Variants in CACNA1B observed in about 807,000 individuals in gnomAD.
CACNA1B encodes voltage-dependent N-type calcium channel subunit alpha-1B.
In CACNA1B, 70 loss-of-function variants were observed where a neutral mutation model predicts 247.2. That is an observed-to-expected ratio of 0.28 (90% CI 0.23 to 0.35). The LOEUF is 0.35. Among genes scored for constraint, CACNA1B ranks in the 10% least tolerant of loss-of-function variants. The pLI, the probability that CACNA1B is intolerant of heterozygous loss-of-function variation, is 1.00. For synonymous variants in CACNA1B, 1,231 were observed against 1,294.4 expected (o/e 0.95, Z 1.05); for missense variants, 2,367 against 3,197.4 (o/e 0.74, Z 6.26).
At chr9:137,960,999 A>G (rs1286167404) in intron 10 of CACNA1B, among the ~76,000 whole-genome samples, 1 of 152,102 alleles carries the variant, frequency 6.6e-6, no homozygotes, top group East Asian at 1.9e-4. Context: ...GGCCACACGT[A>G]TGTCTTCTTT....
Position 138,052,122 on chromosome 9 carries a change from C to T in CACNA1B, c.3741C>T (p.Ile1247=), listed in dbSNP as rs772092706. The T allele has an allele frequency of 3.7e-6, 6 of 1,611,364 alleles. No homozygotes were observed. The Admixed American group carries it at 8.3e-5, about 22-fold the overall frequency. The change falls in exon 25 of 47, where the codon ATC becomes ATT. Residue 1247 remains isoleucine, a synonymous_variant. Coordinates refer to ENST00000371372, the MANE Select transcript of CACNA1B (RefSeq NM_000718.4). The surrounding 1 kb of genome is among the most constrained non-coding windows in gnomAD (Gnocchi z 5.1). The part of the protein sequence containing the change: ...SGSKGKDINT[I]KSLRVLRVLR... The stretch of plus-strand genomic sequence containing the variant: ...CCAAAGGGAAAGACATCAATACCAT[C>T]AAGTCTCTGAGAGTCCTTCGTGTCC...
At chr9:138,013,834 T>C (rs1207223429) in intron 18 of CACNA1B, among the ~76,000 whole-genome samples, 1 of 152,190 alleles carries the variant, frequency 6.6e-6, no homozygotes, top group Admixed American at 6.5e-5. Context: ...GGGAGGTCAG[T>C]CCCTGGGAAG....
intron 12 of CACNA1B, among the ~76,000 whole-genome samples, chr9:137,981,747 G>T (rs1204023782): frequency 2.6e-5 from 4 of 152,156 alleles, no homozygotes; most frequent in Non-Finnish European, 5.9e-5. Context: ...CCAAAGTGTT[G>T]GGATTACAGG....
At chr9:138,034,591 T>C (rs1357884080) in intron 20 of CACNA1B, among the ~76,000 whole-genome samples, 1 of 152,114 alleles carries the variant, frequency 6.6e-6, no homozygotes, top group Non-Finnish European at 1.5e-5. Context: ...TTAAAAAATC[T>C]GTGCCTATTG....
Position 138,123,258 on chromosome 9 carries a change from A to AG in CACNA1B, c.*1262dup, listed in dbSNP as rs1317712661. 3 of 152,256 alleles carry AG rather than the reference A, an allele frequency of 2.0e-5. No individual in the cohort carries two copies. Among genetic ancestry groups the AG allele is most frequent in the Admixed American group, 6.5e-5 (1 of 15,286 alleles). The allele number at this position is 152,256 out of a possible 1,614,324, so 9.4% of individuals were successfully genotyped here. A position where few individuals can be genotyped will look rare whatever the true frequency, so the allele number is the denominator to read the frequency against. On this transcript the variant is annotated 3_prime_UTR_variant, in exon 47 of 47. Coordinates refer to ENST00000371372, the MANE Select transcript of CACNA1B (RefSeq NM_000718.4). ...GAATGAAACTCAGAGCAAGTGACCG[A>AG]GGGAGGACACGGCTCCTGCCACTGA...
intron 5 of CACNA1B, among the ~76,000 whole-genome samples, chr9:137,916,991 T>A (rs1172140616): frequency 6.6e-6 from 1 of 151,930 alleles, no homozygotes; most frequent in Non-Finnish European, 1.5e-5. Context: ...CAAGTGATGG[T>A]GGGCAGGTTC....
chr9:138,058,935 G>A lies in CACNA1B; in HGVS notation c.4474-144G>A. 1 of 708,134 alleles carries A rather than the reference G, an allele frequency of 1.4e-6. No individual in the cohort carries two copies. Among genetic ancestry groups the A allele is most frequent in the Non-Finnish European group, 2.5e-6 (1 of 406,248 alleles). The allele number at this position is 708,134 out of a possible 1,614,324, so 43.9% of individuals were successfully genotyped here. A position where few individuals can be genotyped will look rare whatever the true frequency, so the allele number is the denominator to read the frequency against. Reference sequence around the variant, plus strand: ...CTGGGACAGTGGGGAGGTTCTGGGAGGACTCGGGGAGAGCAGGAAGGGGTG... The same window carrying A: ...CTGGGACAGTGGGGAGGTTCTGGGAAGACTCGGGGAGAGCAGGAAGGGGTG... On this transcript the variant is annotated intron_variant, in intron 29 of 46. Coordinates refer to ENST00000371372, the MANE Select transcript of CACNA1B (RefSeq NM_000718.4). This position sits in a 1 kb window ranked among gnomAD's most constrained non-coding sequence, Gnocchi z 4.7.
At chr9:138,036,390 C>T (rs1248431850) in intron 20 of CACNA1B, among the ~76,000 whole-genome samples, 6 of 152,216 alleles carry the variant, frequency 3.9e-5, no homozygotes, top group Admixed American at 2.6e-4. Flanking sequence ...CTGCCTGCCT[C>T]GGCCTCCCAA....
chr9:138,011,826 A>C lies in CACNA1B; in HGVS notation c.2161-1303A>C, dbSNP rs1357708103. The stretch of plus-strand genomic sequence containing the variant: ...TCTGCCAGCGTTGCGCCCCGAATGC[A>C]GATTCAAGGACATTTTAGGGAACAC... On this transcript the variant is annotated intron_variant, in intron 17 of 46. Transcript: ENST00000371372. This position sits in a 1 kb window ranked among gnomAD's most constrained non-coding sequence, Gnocchi z 4.2. Among the ~76,000 whole-genome samples the C allele has an allele frequency of 2.6e-5, 4 of 152,194 alleles. No individual in the cohort carries two copies. Among genetic ancestry groups the C allele is most frequent in the African/African-American group, 9.7e-5 (4 of 41,440 alleles).
rs1957053170 is a variant in CACNA1B, at chr9:137,888,725, G to A, written c.530+5842G>A. Among the ~76,000 whole-genome samples the A allele has an allele frequency of 6.6e-6, 1 of 152,240 alleles. No homozygotes were observed. The highest frequency in any genetic ancestry group is 2.4e-5 in the African/African-American group (1 of 41,460). ...ACCAGGAGGGAGTCTGGTCAGCGGA[G>A]CTCAGGGGCCGAGGCACTGCTGACC... On this transcript the variant is annotated intron_variant, in intron 3 of 46. Transcript: ENST00000371372. This position sits in a 1 kb window ranked among gnomAD's most constrained non-coding sequence, Gnocchi z 4.7.
At chr9:138,080,923 G>A (rs1239027309) in intron 36 of CACNA1B, among the ~76,000 whole-genome samples, 4 of 152,174 alleles carry the variant, frequency 2.6e-5, no homozygotes, top group South Asian at 2.1e-4. Flanking sequence ...AAATACAGAA[G>A]AACCTACAAA....
chr9:138,120,541 G>C, intron 45 of CACNA1B, 90 bp from the exon 46 acceptor site: 1 of 1,421,238 alleles, frequency 7.0e-7, no homozygotes. Context: ...GCCTCCCCTG[G>C]CACCACCTGA....
At chr9:138,076,617 C>T (rs543990515) in intron 35 of CACNA1B, among the ~76,000 whole-genome samples, 10 of 152,138 alleles carry the variant, frequency 6.6e-5, no homozygotes, top group Admixed American at 1.3e-4. Flanking sequence ...TTCCTGGGCG[C>T]GGAACAGGAG....
rs1300621828 is a variant in CACNA1B, at chr9:138,123,273, C to A, written c.*1274C>A. 1 of 152,276 alleles carries A rather than the reference C, an allele frequency of 6.6e-6. No homozygotes were observed. Among genetic ancestry groups the A allele is most frequent in the African/African-American group, 2.4e-5 (1 of 41,462 alleles). The allele number at this position is 152,276 out of a possible 1,614,324, so 9.4% of individuals were successfully genotyped here. On this transcript the variant is annotated 3_prime_UTR_variant, in exon 47 of 47. Transcript: ENST00000371372. Reference sequence around the variant, plus strand: ...CAAGTGACCGAGGGAGGACACGGCTCCTGCCACTGAGGCCGGGCACCTGAT... The same window carrying A: ...CAAGTGACCGAGGGAGGACACGGCTACTGCCACTGAGGCCGGGCACCTGAT...
At chr9:138,021,169 T>C (rs900226232) in intron 18 of CACNA1B, among the ~76,000 whole-genome samples, 1 of 152,052 alleles carries the variant, frequency 6.6e-6, no homozygotes, top group Non-Finnish European at 1.5e-5. Context: ...CCAGCTGGGG[T>C]TGGTGGGTCT....
chr9:138,094,457 A>AAAAAAAAAAAGAAG lies in CACNA1B; in HGVS notation c.5095-2025_5095-2024insAAAAAAAAGAAGAA, dbSNP rs752912258. Among the ~76,000 whole-genome samples, 7 of 134,872 alleles carry AAAAAAAAAAAGAAG rather than the reference A, an allele frequency of 5.2e-5. No individual in the cohort carries two copies. In the South Asian group the frequency reaches 8.0e-4, roughly 15 times the overall value. The allele number at this position is 134,872 out of a possible 152,430, so 88.5% of individuals were successfully genotyped here. A position where few individuals can be genotyped will look rare whatever the true frequency, so the allele number is the denominator to read the frequency against. On this transcript the variant is annotated intron_variant, in intron 36 of 46. Transcript: ENST00000371372. ...TTTACTACAGTAAAAAAAAAAAAAA[A>AAAAAAAAAAAGAAG]AAGAAGAAGAAGAAGAAAGTGAACA...
At chr9:138,037,878 G>A (rs760142847) in intron 20 of CACNA1B, among the ~76,000 whole-genome samples, 1 of 152,184 alleles carries the variant, frequency 6.6e-6, no homozygotes, top group Admixed American at 6.5e-5. Flanking sequence ...TGACATTGAT[G>A]ATTGTTACCC....
intron 20 of CACNA1B, among the ~76,000 whole-genome samples, chr9:138,042,943 C>T (rs768321292): frequency 2.6e-5 from 4 of 152,272 alleles, no homozygotes; most frequent in East Asian, 3.9e-4. Context: ...CAGTGGGAGG[C>T]GGCTCCAAGT....
rs1429029193 is a variant in CACNA1B, at chr9:138,012,144, A to G, written c.2161-985A>G. On this transcript the variant is annotated intron_variant, in intron 17 of 46. Transcript: ENST00000371372. This position sits in a 1 kb window ranked among gnomAD's most constrained non-coding sequence, Gnocchi z 4.2. The stretch of plus-strand genomic sequence containing the variant: ...TGTGAAGTTCAGGGCCAGGCACTGC[A>G]AGTGGTCACCCAGGAGTGGGGGAGA... Among the ~76,000 whole-genome samples the G allele has an allele frequency of 6.6e-6, 1 of 152,208 alleles. No individual in the cohort carries two copies. The highest frequency in any genetic ancestry group is 6.5e-5 in the Admixed American group (1 of 15,286).
Sources: gnomAD v4.1 joint callset for allele counts (sites outside exome capture counted in the v4.1 genomes callset) on GRCh38, gnomAD v4.1.1 for gene constraint, Gnocchi (gnomAD v3.1) non-coding constraint, MANE v1.5 for transcripts, NCBI Gene and HGNC (gene_info 2026-07-23, HGNC 2026-07-21) for gene names.